The following DHRS7B variants were observed in gnomAD, a reference collection of about 807,000 sequenced individuals.
DHRS7B encodes dehydrogenase/reductase 7B, also known as peroxisomal reductase activating PPAR-gamma.
A neutral mutation model predicts 26.4 loss-of-function variants in DHRS7B; 24 were observed. The ratio of observed to expected loss-of-function variants is 0.91; its 90% CI spans 0.66 to 1.28. The LOEUF is 1.28. Among genes scored for constraint, DHRS7B ranks in the 50% most tolerant of loss-of-function variants. The pLI, the probability that DHRS7B is intolerant of heterozygous loss-of-function variation, is 0.00. For synonymous variants in DHRS7B, 142 were observed against 166.4 expected, an observed-to-expected ratio of 0.85 and a Z score of 1.13; for missense variants, 368 against 419.4, an observed-to-expected ratio of 0.88 and a Z score of 1.07.
intron 1 of DHRS7B, among the ~76,000 whole-genome samples, chr17:21,138,888 A>G (rs990646235): frequency 2.0e-5 from 3 of 152,204 alleles, no homozygotes; most frequent in South Asian, 4.1e-4. Flanking sequence ...TGACCAGTTT[A>G]TCTACAGGTA....
chr17:21,159,545 G>T (rs910165753), intron 1 of DHRS7B, among the ~76,000 whole-genome samples: 2 of 151,608 alleles, frequency 1.3e-5, no homozygotes, highest in Non-Finnish European at 2.9e-5. Flanking sequence ...GTGAGCCACC[G>T]CACCCGGCCA....
In DHRS7B at chr17:21,161,956, A is replaced by C. The variant is rs189317696; in HGVS notation, c.21-10062A>C. Among the ~76,000 whole-genome samples the C allele has an allele frequency of 1.2e-3, 176 of 152,190 alleles. 2 individuals are homozygous for C. The highest frequency in any genetic ancestry group is 4.0e-3 in the African/African-American group (168 of 41,510). On this transcript the variant is annotated intron_variant, in intron 1 of 6. Coordinates refer to ENST00000395511, the MANE Select transcript of DHRS7B (RefSeq NM_015510.5). ...GGAGAGTTGTTATATAAACTTTCAA[A>C]ACCTCCCTTAGAATAAAGAGCATTT...
chr17:21,142,797 T>C lies in DHRS7B; in HGVS notation c.20+15806T>C, dbSNP rs1337463312. ...GTCTTTCCAAAGGAGGCAATCAGAA[T>C]ATGCATCTATCTCTGTGAGCAAAGG... On this transcript the variant is annotated intron_variant, in intron 1 of 6. Coordinates refer to ENST00000395511, the MANE Select transcript of DHRS7B (RefSeq NM_015510.5). 2.0e-5 allele frequency among the ~76,000 whole-genome samples: 3 copies of C among 151,642 alleles called. No individual in the cohort carries two copies. In the East Asian group the frequency reaches 5.9e-4, roughly 30 times the overall value.
At chr17:21,157,207 T>G (rs1973901422) in intron 1 of DHRS7B, among the ~76,000 whole-genome samples, 1 of 152,214 alleles carries the variant, frequency 6.6e-6, no homozygotes, top group African/African-American at 2.4e-5. Context: ...ACTTTCTAAC[T>G]CAACCTATGA....
intron 1 of DHRS7B, among the ~76,000 whole-genome samples, chr17:21,167,151 G>T (rs1025812211): frequency 3.3e-5 from 5 of 152,156 alleles, no homozygotes; most frequent in African/African-American, 4.8e-5. Flanking sequence ...TGATTTCTTG[G>T]TGATAGTCTC....
intron 1 of DHRS7B, among the ~76,000 whole-genome samples, chr17:21,129,136 A>G (rs973252915): frequency 1.3e-5 from 2 of 152,194 alleles, no homozygotes; most frequent in African/African-American, 4.8e-5. Flanking sequence ...AAATCTAGCA[A>G]GGGAGATAGT....
chr17:21,162,443 T>G (rs1401907440), intron 1 of DHRS7B, among the ~76,000 whole-genome samples: 1 of 152,202 alleles, frequency 6.6e-6, no homozygotes, highest in Non-Finnish European at 1.5e-5. Flanking sequence ...TTTTCTGTAA[T>G]CTGATGGTAT....
intron 1 of DHRS7B, among the ~76,000 whole-genome samples, chr17:21,129,556 T>A (rs1973181249): frequency 6.6e-6 from 1 of 150,948 alleles, no homozygotes. Flanking sequence ...AAATAAAAAA[T>A]TATCTAGGCG....
At chr17:21,155,384 C>T (rs901786790) in intron 1 of DHRS7B, among the ~76,000 whole-genome samples, 4 of 152,174 alleles carry the variant, frequency 2.6e-5, no homozygotes, top group African/African-American at 7.2e-5. Context: ...GGAAAGTTAT[C>T]AGGGTTAAAG....
At chr17:21,166,592 A>G in intron 1 of DHRS7B, 3 of 436,148 alleles carry the variant, frequency 6.9e-6, no homozygotes, top group Non-Finnish European at 9.2e-6. Flanking sequence ...AAAATGACAG[A>G]AGCTTTCAGA....
At position 21,127,310 on chromosome 17, in the gene DHRS7B, C is replaced by A. The variant is rs571941342; in HGVS notation, c.20+319C>A. On this transcript the variant is annotated intron_variant, in intron 1 of 6. Coordinates refer to ENST00000395511, the MANE Select transcript of DHRS7B (RefSeq NM_015510.5). ...TGAAAGGCCTCGCGCCCACAGGGCTCCTGGCTTCAACCTGTTTATTCCCAC... is the reference window on the plus strand; with the variant it reads ...TGAAAGGCCTCGCGCCCACAGGGCTACTGGCTTCAACCTGTTTATTCCCAC... The A allele has an allele frequency of 7.2e-5, 27 of 376,480 alleles. 1 individual carries two copies. Among genetic ancestry groups the A allele is most frequent in the Non-Finnish European group, 1.3e-4 (27 of 209,182 alleles). 23.3% of individuals were successfully genotyped at this position (376,480 alleles called of 1,614,324 possible).
At chr17:21,166,492 T>C (rs1974116222) in intron 1 of DHRS7B, 26 of 985,080 alleles carry the variant, frequency 2.6e-5, no homozygotes, top group Non-Finnish European at 3.1e-5. Flanking sequence ...GTTCTTTTTT[T>C]TTTCCAGTCG....
At chr17:21,157,133 A>G (rs1294202213) in intron 1 of DHRS7B, among the ~76,000 whole-genome samples, 1 of 152,190 alleles carries the variant, frequency 6.6e-6, no homozygotes, top group African/African-American at 2.4e-5. Flanking sequence ...ATTCTACCAA[A>G]TAATTAAGAA....
chr17:21,139,442 GA>G (rs1332069500), intron 1 of DHRS7B, among the ~76,000 whole-genome samples: 1 of 152,144 alleles, frequency 6.6e-6, no homozygotes, highest in Non-Finnish European at 1.5e-5. Context: ...TTGGGAGGCT[GA>G]GGCAGGCAGA....
At chr17:21,142,971 C>T (rs144828367) in intron 1 of DHRS7B, among the ~76,000 whole-genome samples, 30 of 152,320 alleles carry the variant, frequency 2.0e-4, no homozygotes, top group African/African-American at 7.0e-4. Context: ...CTATGTTGCC[C>T]AGACTGGAGT....
intron 1 of DHRS7B, among the ~76,000 whole-genome samples, chr17:21,142,965 G>A (rs1973556680): frequency 6.6e-6 from 1 of 152,196 alleles, no homozygotes; most frequent in African/African-American, 2.4e-5. Context: ...GTCTTGCTAT[G>A]TTGCCCAGAC....
Position 21,145,506 on chromosome 17 carries a change from T to G in DHRS7B, c.20+18515T>G, listed in dbSNP as rs143456183. 6.1e-3 allele frequency among the ~76,000 whole-genome samples: 922 copies of G among 152,296 alleles called. 10 individuals are homozygous for G. Among genetic ancestry groups the G allele is most frequent in the African/African-American group, 0.021 (883 of 41,562 alleles). ...ATTGTACTGTGTAGAAGCATCTCAA[T>G]TAATGAAAAGGGGAATTTTAAAAGG... On this transcript the variant is annotated intron_variant, in intron 1 of 6. Coordinates refer to ENST00000395511, the MANE Select transcript of DHRS7B (RefSeq NM_015510.5).
At chr17:21,132,887 A>G (rs1973269956) in intron 1 of DHRS7B, among the ~76,000 whole-genome samples, 1 of 152,160 alleles carries the variant, frequency 6.6e-6, no homozygotes, top group South Asian at 2.1e-4. Flanking sequence ...AGTTCCAGCT[A>G]AAGGATTTTT....
intron 3 of DHRS7B, among the ~76,000 whole-genome samples, chr17:21,181,802 C>G (rs778100289): frequency 1.3e-5 from 2 of 152,166 alleles, no homozygotes; most frequent in Non-Finnish European, 2.9e-5. Context: ...GCTCTTGTAC[C>G]TTGCCACTTT....
Sources: gnomAD v4.1 joint callset for allele counts (sites outside exome capture counted in the v4.1 genomes callset) on GRCh38, gnomAD v4.1.1 for gene constraint, MANE v1.5 for transcripts, NCBI Gene and HGNC (gene_info 2026-07-23, HGNC 2026-07-21) for gene names.